Variants in DSCAM observed in about 807,000 individuals in gnomAD.
The protein encoded by DSCAM is DS cell adhesion molecule, also known as cell adhesion molecule DSCAM.
In DSCAM, 47 loss-of-function variants were observed where a neutral mutation model predicts 217.7. The ratio of observed to expected loss-of-function variants is 0.22; its 90% CI spans 0.17 to 0.28. The LOEUF is 0.28. DSCAM is among the 10% of genes least tolerant of loss of function. The probability of loss-of-function intolerance (pLI) is 1.00; values close to 1 mark genes in which losing one functional copy is unlikely to be tolerated. For missense variants in DSCAM, 2,080 were observed against 2,618.3 expected (o/e 0.79, Z 4.49); for synonymous variants, 1,056 against 1,015.3 (o/e 1.04, Z -0.76).
chr21:40,196,953 T>C (rs531712852), intron 11 of DSCAM, among the ~76,000 whole-genome samples: 11 of 152,328 alleles, frequency 7.2e-5, no homozygotes, highest in African/African-American at 1.4e-4. Context: ...AGCAGATTAA[T>C]TGGATTTGCA....
At chr21:40,742,961 G>A (rs186724396) in intron 1 of DSCAM, among the ~76,000 whole-genome samples, 77 of 152,178 alleles carry the variant, frequency 5.1e-4, no homozygotes, top group Non-Finnish European at 8.5e-4. Flanking sequence ...CCTGGCAAGC[G>A]GTAGTCAGAG....
rs1214824016 is a variant in DSCAM, at chr21:40,266,643, A to ATATATATATATATATT, written c.2356+9453_2356+9454insAATATATATATATATA. On this transcript the variant is annotated intron_variant, in intron 11 of 32. Transcript: ENST00000400454. ...GAATGGACAAAGATGTTTTATATAT[A>ATATATATATATATATT]TATATATATATATATATATATATAT... Among the ~76,000 whole-genome samples the ATATATATATATATATT allele has an allele frequency of 2.7e-4, 31 of 113,052 alleles. 1 individual carries two copies. Among genetic ancestry groups the ATATATATATATATATT allele is most frequent in the African/African-American group, 5.2e-4 (12 of 23,078 alleles). 74.2% of individuals were successfully genotyped at this position (113,052 alleles called of 152,430 possible).
intron 11 of DSCAM, among the ~76,000 whole-genome samples, chr21:40,255,227 G>T (rs2837537): frequency 0.13 from 20,054 of 152,110 alleles, 3,379 homozygotes; most frequent in African/African-American, 0.38. Context: ...CTGTGCCAGA[G>T]AGTGGTGACT....
At chr21:40,569,821 G>A (rs1274317943) in intron 3 of DSCAM, among the ~76,000 whole-genome samples, 1 of 151,992 alleles carries the variant, frequency 6.6e-6, no homozygotes, top group Non-Finnish European at 1.5e-5. Context: ...TATTTTTTGT[G>A]TGTTCACACT....
chr21:40,479,258 A>C (rs2075962480), intron 3 of DSCAM, among the ~76,000 whole-genome samples: 1 of 152,242 alleles, frequency 6.6e-6, no homozygotes, highest in South Asian at 2.1e-4. Context: ...TTGGACATGA[A>C]ACTCAGCTCT....
intron 27 of DSCAM, 118 bp downstream of exon 27, chr21:40,074,919 C>T: frequency 9.3e-7 from 1 of 1,075,808 alleles, no homozygotes; most frequent in Non-Finnish European, 1.3e-6. Flanking sequence ...GTGGAGGGAC[C>T]TGGGTTAAAG....
chr21:40,408,515 G>A (rs755151466), intron 3 of DSCAM, among the ~76,000 whole-genome samples: 7 of 152,064 alleles, frequency 4.6e-5, no homozygotes, highest in Non-Finnish European at 8.8e-5. Flanking sequence ...CACATTTAGT[G>A]AGGAGCATTG....
At chr21:40,434,889 C>A (rs1201897464) in intron 3 of DSCAM, among the ~76,000 whole-genome samples, 1 of 152,136 alleles carries the variant, frequency 6.6e-6, no homozygotes, top group South Asian at 2.1e-4. Flanking sequence ...TTCCTCACAG[C>A]CTTGAGAGGT....
chr21:40,464,941 A>G (rs576886909), intron 3 of DSCAM, among the ~76,000 whole-genome samples: 1 of 152,134 alleles, frequency 6.6e-6, no homozygotes, highest in African/African-American at 2.4e-5. Flanking sequence ...AGGTTTCACC[A>G]CGTTGGCTAG....
At chr21:40,485,379 A>C (rs984722923) in intron 3 of DSCAM, among the ~76,000 whole-genome samples, 1 of 151,630 alleles carries the variant, frequency 6.6e-6, no homozygotes, top group Non-Finnish European at 1.5e-5. Flanking sequence ...AGTAGCTGGG[A>C]CTACAGGCGC....
intron 1 of DSCAM, among the ~76,000 whole-genome samples, chr21:40,760,696 G>A (rs2091324068): frequency 6.6e-6 from 1 of 152,204 alleles, no homozygotes; most frequent in Admixed American, 6.5e-5. Context: ...CTCTCCTCCT[G>A]TGATCCTTGA....
In DSCAM at chr21:40,841,438, A is replaced by C. The variant is rs377340078; in HGVS notation, c.43+5181T>G. On this transcript the variant is annotated intron_variant, in intron 1 of 32. Coordinates refer to ENST00000400454, the MANE Select transcript of DSCAM (RefSeq NM_001389.5). ...CTGGCATTTTCACAACATTGAAGAA[A>C]AGAACATAAATATAGTTGGGGGGAG... Among the ~76,000 whole-genome samples the C allele has an allele frequency of 2.0e-5, 3 of 152,256 alleles. 1 individual carries two copies. In the East Asian group the frequency reaches 5.8e-4, roughly 29 times the overall value.
At chr21:40,095,215 G>T (rs1402948802) in intron 20 of DSCAM, among the ~76,000 whole-genome samples, 1 of 152,132 alleles carries the variant, frequency 6.6e-6, no homozygotes, top group Non-Finnish European at 1.5e-5. Flanking sequence ...TTCACTACGA[G>T]GAGAACAGTA....
intron 6 of DSCAM, among the ~76,000 whole-genome samples, chr21:40,343,420 T>C (rs2074521113): frequency 6.6e-6 from 1 of 152,302 alleles, no homozygotes; most frequent in Admixed American, 6.5e-5. Flanking sequence ...TAGCTGTAGA[T>C]TGTTCAGGAT....
At chr21:40,765,047 T>C (rs1346304589) in intron 1 of DSCAM, among the ~76,000 whole-genome samples, 1 of 150,968 alleles carries the variant, frequency 6.6e-6, no homozygotes, top group Non-Finnish European at 1.5e-5. Flanking sequence ...CAAACCACCA[T>C]GGCACATGTG....
At chr21:40,642,150 T>G (rs1481824542) in intron 3 of DSCAM, among the ~76,000 whole-genome samples, 1 of 152,116 alleles carries the variant, frequency 6.6e-6, no homozygotes, top group Non-Finnish European at 1.5e-5. Context: ...TGATACATCT[T>G]GTACTGGCAC....
chr21:40,376,399 T>C (rs7410084), intron 3 of DSCAM, among the ~76,000 whole-genome samples: 5 of 141,436 alleles, frequency 3.5e-5, no homozygotes, highest in African/African-American at 1.3e-4. Context: ...AAGATATATA[T>C]ATATCTATAT....
chr21:40,496,644 A>C (rs1372821969), intron 3 of DSCAM, among the ~76,000 whole-genome samples: 1 of 152,190 alleles, frequency 6.6e-6, no homozygotes, highest in Non-Finnish European at 1.5e-5. Context: ...AACGTAGACA[A>C]CTAGGATTAT....
intron 1 of DSCAM, among the ~76,000 whole-genome samples, chr21:40,739,781 G>GTT (rs5844037): frequency 1.3e-4 from 19 of 144,294 alleles, no homozygotes; most frequent in African/African-American, 4.0e-4. Flanking sequence ...TAGAGAATTA[G>GTT]TTTTTTTTTT....
Sources: allele counts gnomAD v4.1 joint callset (sites outside exome capture counted in the v4.1 genomes callset), GRCh38; gene constraint gnomAD v4.1.1; transcripts MANE v1.5; gene names NCBI Gene and HGNC (gene_info 2026-07-23, HGNC 2026-07-21).